Variants in POFUT3 observed in about 807,000 individuals in gnomAD.
POFUT3 encodes GDP-fucose protein O-fucosyltransferase 3.
chr8:33,467,764 G>A, the POFUT3 span, among the ~76,000 whole-genome samples: 1 of 152,204 alleles, frequency 6.6e-6, no homozygotes, highest in Non-Finnish European at 1.5e-5. Context: ...ATGGACAGAA[G>A]AGGGACTGAA....
the POFUT3 span, among the ~76,000 whole-genome samples, chr8:33,327,459 G>T: frequency 2.6e-5 from 4 of 152,126 alleles, no homozygotes; most frequent in Non-Finnish European, 5.9e-5. Flanking sequence ...TGAGCATTTT[G>T]TGGGTATTCA....
chr8:33,343,845 G>C, the POFUT3 span, among the ~76,000 whole-genome samples: 3 of 152,176 alleles, frequency 2.0e-5, no homozygotes, highest in African/African-American at 7.2e-5. Context: ...ATTTGCTAAG[G>C]ATATCTTGTC....
the POFUT3 span, among the ~76,000 whole-genome samples, chr8:33,311,654 A>G: frequency 2.0e-5 from 3 of 152,180 alleles, no homozygotes; most frequent in Non-Finnish European, 2.9e-5. Context: ...GGTGCACTCT[A>G]CTGTAATTTC....
the POFUT3 span, among the ~76,000 whole-genome samples, chr8:33,323,066 T>G: frequency 6.6e-6 from 1 of 152,120 alleles, no homozygotes; most frequent in Admixed American, 6.5e-5. Flanking sequence ...CATTTCAGTG[T>G]CCAATCTCTG....
the POFUT3 span, chr8:33,451,930 A>C: frequency 1.3e-5 from 2 of 152,170 alleles, no homozygotes; most frequent in African/African-American, 4.8e-5. Flanking sequence ...TGAGAACAGC[A>C]TGGGGGAACA....
the POFUT3 span, among the ~76,000 whole-genome samples, chr8:33,372,989 T>C: frequency 6.6e-6 from 1 of 152,168 alleles, no homozygotes; most frequent in Non-Finnish European, 1.5e-5. Context: ...TACTACCCCA[T>C]TTTACAGGAG....
the POFUT3 span, among the ~76,000 whole-genome samples, chr8:33,332,829 A>G: frequency 6.6e-6 from 1 of 152,180 alleles, no homozygotes; most frequent in Non-Finnish European, 1.5e-5. Flanking sequence ...CACTGCCATT[A>G]CAACTCCCCC....
chr8:33,442,680 G>A, the POFUT3 span, among the ~76,000 whole-genome samples: 3 of 150,226 alleles, frequency 2.0e-5, no homozygotes, highest in East Asian at 4.0e-4. Flanking sequence ...GGCTGGTCTC[G>A]AACTCTTGGG....
chr8:33,461,196 AGGGAGGGAGGG>A, the POFUT3 span, among the ~76,000 whole-genome samples: 2 of 1,898 alleles, frequency 1.1e-3, no homozygotes, highest in African/African-American at 0.014. Flanking sequence ...GAAGGAAGGG[AGGGAGGGAGGG>A]AGGGAGGGAG....
chr8:33,368,558 T>C, the POFUT3 span, among the ~76,000 whole-genome samples: 2 of 152,280 alleles, frequency 1.3e-5, no homozygotes, highest in East Asian at 3.9e-4. Flanking sequence ...CCTCTTCTTC[T>C]CCTTCTTCAG....
the POFUT3 span, among the ~76,000 whole-genome samples, chr8:33,383,933 C>T: frequency 6.6e-6 from 1 of 150,988 alleles, no homozygotes; most frequent in African/African-American, 2.5e-5. Context: ...TTTAATTCAC[C>T]GTTCTGACCC....
the POFUT3 span, among the ~76,000 whole-genome samples, chr8:33,325,098 T>C: frequency 2.6e-5 from 4 of 152,318 alleles, no homozygotes; most frequent in East Asian, 7.7e-4. Context: ...TCCTTAAAGC[T>C]AAAAATTTGG....
At chr8:33,322,182 C>A in the POFUT3 span, among the ~76,000 whole-genome samples, 4 of 152,068 alleles carry the variant, frequency 2.6e-5, no homozygotes, top group Non-Finnish European at 1.5e-5. Flanking sequence ...TTCAACTTTT[C>A]CCTAAATGTA....
At chr8:33,382,393 G>GT in the POFUT3 span, among the ~76,000 whole-genome samples, 2 of 150,316 alleles carry the variant, frequency 1.3e-5, no homozygotes, top group Non-Finnish European at 3.0e-5. Context: ...CAGCAAGGTG[G>GT]TTTTTTTTTT....
chr8:33,358,740 G>A, the POFUT3 span, among the ~76,000 whole-genome samples: 11 of 151,858 alleles, frequency 7.2e-5, no homozygotes, highest in African/African-American at 1.2e-4. Flanking sequence ...TGCTGGGCTC[G>A]GTCTGTAATC....
the POFUT3 span, among the ~76,000 whole-genome samples, chr8:33,431,903 A>G: frequency 6.6e-6 from 1 of 152,324 alleles, no homozygotes; most frequent in South Asian, 2.1e-4. Flanking sequence ...AAACCACTTA[A>G]GAGATCTTCT....
At chr8:33,415,976 T>C in the POFUT3 span, among the ~76,000 whole-genome samples, 3 of 152,188 alleles carry the variant, frequency 2.0e-5, no homozygotes, top group Non-Finnish European at 4.4e-5. Flanking sequence ...TTAGTCAATG[T>C]AAGGTAAACC....
At chr8:33,449,331 C>G in the POFUT3 span, among the ~76,000 whole-genome samples, 1 of 128,356 alleles carries the variant, frequency 7.8e-6, no homozygotes, top group East Asian at 2.4e-4. Flanking sequence ...ACTCTGTCAC[C>G]CAGGCTGGAG....
At chr8:33,311,358 A>T in the POFUT3 span, among the ~76,000 whole-genome samples, 1 of 152,208 alleles carries the variant, frequency 6.6e-6, no homozygotes, top group Non-Finnish European at 1.5e-5. Flanking sequence ...AGCATGTGGT[A>T]AAAACTCAAT....
Sources: allele counts gnomAD v4.1 joint callset (sites outside exome capture counted in the v4.1 genomes callset), GRCh38; gene constraint gnomAD v4.1.1; transcripts MANE v1.5; gene names NCBI Gene and HGNC (gene_info 2026-07-23, HGNC 2026-07-21).